RBKS: variants seen among roughly 807,000 people sequenced by gnomAD.
RBKS encodes ribokinase.
In RBKS, 33 loss-of-function variants were observed where a neutral mutation model predicts 33.9. The ratio of observed to expected loss-of-function variants is 0.97; its 90% confidence interval spans 0.74 to 1.30. The LOEUF is 1.30. Ranked by LOEUF, RBKS falls within the 50% of genes most tolerant of loss-of-function variation. RBKS has a pLI of 0.00. For missense variants in RBKS, 361 were observed against 392.6 expected, an observed-to-expected ratio of 0.92 and a Z score of 0.68; for synonymous variants, 125 against 143.0, an observed-to-expected ratio of 0.87 and a Z score of 0.90.
At chr2:27,827,999 A>G (rs1359322685) in intron 6 of RBKS, among the ~76,000 whole-genome samples, 2 of 152,240 alleles carry the variant, frequency 1.3e-5, no homozygotes, top group East Asian at 3.8e-4. Context: ...AGATGATAGC[A>G]TGGAATTACT....
At chr2:27,806,160 A>G (rs1309392534) in intron 7 of RBKS, among the ~76,000 whole-genome samples, 1 of 152,224 alleles carries the variant, frequency 6.6e-6, no homozygotes, top group Non-Finnish European at 1.5e-5. Flanking sequence ...CTGGGATTAA[A>G]GGCGTGAGCC....
intron 7 of RBKS, among the ~76,000 whole-genome samples, chr2:27,789,332 C>T (rs1044451642): frequency 6.6e-6 from 1 of 151,510 alleles, no homozygotes; most frequent in African/African-American, 2.4e-5. Context: ...AATTTGAAAT[C>T]CAATATACTC....
intron 1 of RBKS, among the ~76,000 whole-genome samples, chr2:27,861,114 T>G (rs1266515802): frequency 6.6e-6 from 1 of 151,966 alleles, no homozygotes; most frequent in Non-Finnish European, 1.5e-5. Flanking sequence ...ATTACAGGGG[T>G]GCGCCACCAG....
intron 2 of RBKS, among the ~76,000 whole-genome samples, chr2:27,854,062 C>T (rs969188100): frequency 3.3e-5 from 5 of 152,200 alleles, no homozygotes; most frequent in African/African-American, 4.8e-5. Context: ...CTCTAATGCA[C>T]TGCTTTTCAA....
At chr2:27,827,429 G>C in intron 7 of RBKS, 138 bp downstream of exon 7, 1 of 678,974 alleles carries the variant, frequency 1.5e-6, no homozygotes, top group Non-Finnish European at 2.3e-6. Flanking sequence ...CAGTTCCCCT[G>C]CCTGGTTGTT....
chr2:27,858,816 G>A (rs1296625154), intron 1 of RBKS, among the ~76,000 whole-genome samples: 2 of 152,186 alleles, frequency 1.3e-5, no homozygotes, highest in African/African-American at 4.8e-5. Context: ...TGTGGCTAGT[G>A]TTGTACTGCA....
rs140932929 is a variant in RBKS at position 27,810,666 on chromosome 2, G to A, written c.795+16901C>T. Among the ~76,000 whole-genome samples the A allele has an allele frequency of 1.3e-5, 2 of 151,744 alleles. No homozygotes were observed. Among genetic ancestry groups the A allele is most frequent in the Admixed American group, 6.6e-5 (1 of 15,230 alleles). On this transcript the variant is annotated intron_variant, in intron 7 of 7. Coordinates refer to ENST00000302188, the MANE Select transcript of RBKS (RefSeq NM_022128.3). This position sits in a 1 kb window ranked among gnomAD's most constrained non-coding sequence, Gnocchi z 4.4. ...CTATGAAATAACCATCTTAGTTATC[G>A]CCCCACTGCCCCCACTTTTTTTAAG...
chr2:27,838,172 C>A lies in RBKS; in HGVS notation c.514+4895G>T, dbSNP rs183396348. Among the ~76,000 whole-genome samples the A allele has an allele frequency of 2.0e-4, 31 of 152,216 alleles. No individual in the cohort carries two copies. In the East Asian group the frequency reaches 4.6e-3, roughly 23 times the overall value. Reference sequence around the variant, plus strand: ...CTGAGATCATGCCACTGCACTCCAGCCTGGGCGGGCAGAATGAGACTCTAT... The same window carrying A: ...CTGAGATCATGCCACTGCACTCCAGACTGGGCGGGCAGAATGAGACTCTAT... On this transcript the variant is annotated intron_variant, in intron 5 of 7. Coordinates refer to ENST00000302188, the MANE Select transcript of RBKS (RefSeq NM_022128.3).
intron 6 of RBKS, among the ~76,000 whole-genome samples, chr2:27,831,435 C>T (rs1678412056): frequency 1.3e-5 from 2 of 152,168 alleles, no homozygotes; most frequent in South Asian, 4.1e-4. Context: ...TGAGGGTACT[C>T]TAACCTCTTA....
At chr2:27,827,489 A>C (rs374262787) in intron 7 of RBKS, 78 bp downstream of exon 7, 89 of 1,311,442 alleles carry the variant, frequency 6.8e-5, no homozygotes, top group East Asian at 6.6e-4. Flanking sequence ...TTATCCAAAA[A>C]TTCAGGTACA....
At chr2:27,801,958 A>AT (rs1677796312) in intron 7 of RBKS, among the ~76,000 whole-genome samples, 3 of 67,322 alleles carry the variant, frequency 4.5e-5, no homozygotes, top group Non-Finnish European at 6.2e-5. Flanking sequence ...GGGAAAAAAA[A>AT]AAAAAATATA....
chr2:27,824,080 C>T (rs1678267080), intron 7 of RBKS, among the ~76,000 whole-genome samples: 1 of 152,124 alleles, frequency 6.6e-6, no homozygotes, highest in African/African-American at 2.4e-5. Context: ...GACTTCCTGT[C>T]TCTATGGATT....
intron 7 of RBKS, among the ~76,000 whole-genome samples, chr2:27,817,540 A>G (rs1678117267): frequency 6.6e-6 from 1 of 152,248 alleles, no homozygotes; most frequent in African/African-American, 2.4e-5. Flanking sequence ...TGGGTAATTT[A>G]TAAAGAAAGG....
rs1320911644 is a variant in RBKS, at chr2:27,789,597, C to T, written c.796-7809G>A. ...AAATTTTTTTTGAGTCAGAGTCTCA[C>T]TCTGTAGCCCAGTTTGGAGTGCAAT... On this transcript the variant is annotated intron_variant, in intron 7 of 7. Coordinates refer to ENST00000302188, the MANE Select transcript of RBKS (RefSeq NM_022128.3). Among the ~76,000 whole-genome samples, 6 of 152,034 alleles carry T rather than the reference C, an allele frequency of 3.9e-5. 1 individual carries two copies. In the South Asian group the frequency reaches 6.2e-4, roughly 16 times the overall value.
intron 7 of RBKS, among the ~76,000 whole-genome samples, chr2:27,789,084 G>GT (rs1301287291): frequency 1.3e-5 from 2 of 152,156 alleles, no homozygotes; most frequent in Non-Finnish European, 2.9e-5. Context: ...ATAAGCTACA[G>GT]TAATTAGACA....
chr2:27,819,802 C>T (rs1678163108), intron 7 of RBKS, among the ~76,000 whole-genome samples: 1 of 152,166 alleles, frequency 6.6e-6, no homozygotes, highest in South Asian at 2.1e-4. Context: ...GATGCTTTGA[C>T]ATTTATTCTG....
intron 1 of RBKS, among the ~76,000 whole-genome samples, chr2:27,862,068 C>T (rs1490753324): frequency 6.6e-6 from 1 of 151,578 alleles, no homozygotes; most frequent in Non-Finnish European, 1.5e-5. Flanking sequence ...CCACCTTAGC[C>T]TCCCAGAGAG....
chr2:27,800,784 G>A (rs1677762608), intron 7 of RBKS, among the ~76,000 whole-genome samples: 1 of 152,198 alleles, frequency 6.6e-6, no homozygotes, highest in African/African-American at 2.4e-5. Context: ...AATGCACTTG[G>A]AGCCAGGAAG....
Position 27,827,820 on chromosome 2 carries a change from G to A in RBKS, c.607-65C>T, listed in dbSNP as rs1678343578. On this transcript the variant is annotated intron_variant, in intron 6 of 7. Coordinates refer to ENST00000302188, the MANE Select transcript of RBKS (RefSeq NM_022128.3). ...AAGTAACCTGAATCCACTTCCAGAT[G>A]CGTTTTTCTAGAAAATGTCTCCCTT... 3.0e-6 allele frequency: 4 copies of A among 1,341,602 alleles called. No individual in the cohort carries two copies. In the South Asian group the frequency reaches 6.8e-5, roughly 23 times the overall value. The allele number at this position is 1,341,602 out of a possible 1,614,324, so 83.1% of individuals were successfully genotyped here. A position where few individuals can be genotyped will look rare whatever the true frequency, so the allele number is the denominator to read the frequency against.
Sources: gnomAD v4.1 joint callset for allele counts (sites outside exome capture counted in the v4.1 genomes callset) on GRCh38, gnomAD v4.1.1 for gene constraint, Gnocchi (gnomAD v3.1) non-coding constraint, MANE v1.5 for transcripts, NCBI Gene and HGNC (gene_info 2026-07-23, HGNC 2026-07-21) for gene names.